Variants in SLC14A2 observed in about 807,000 individuals in gnomAD.
SLC14A2 encodes the protein urea transporter 2.
In SLC14A2, 91 loss-of-function variants were observed where a neutral mutation model predicts 104.6. The ratio of observed to expected loss-of-function variants is 0.87; its 90% CI spans 0.73 to 1.04. The LOEUF (loss-of-function observed/expected upper bound fraction) is 1.04, where lower values mean the gene tolerates loss of function less well. Among genes scored for constraint, SLC14A2 ranks in the 50% least tolerant of loss-of-function variants. The pLI is 0.00. For missense variants in SLC14A2, 1,189 were observed against 1,156.0 expected, an observed-to-expected ratio of 1.03 and a Z score of -0.41; for synonymous variants, 476 against 466.4, an observed-to-expected ratio of 1.02 and a Z score of -0.27.
At chr18:45,230,898 A>G (rs566210677) in intron 1 of SLC14A2, among the ~76,000 whole-genome samples, 1 of 152,238 alleles carries the variant, frequency 6.6e-6, no homozygotes, top group African/African-American at 2.4e-5. Context: ...ATGAATAATT[A>G]TGCTATTTTG....
intron 1 of SLC14A2, among the ~76,000 whole-genome samples, chr18:45,444,809 C>T (rs776291487): frequency 6.6e-6 from 1 of 152,160 alleles, no homozygotes; most frequent in Middle Eastern, 3.2e-3. Context: ...CTACTTCTCT[C>T]AGGGAGCCTA....
chr18:45,610,596 C>A (rs1040316437), upstream of SLC14A2, among the ~76,000 whole-genome samples: 5 of 152,188 alleles, frequency 3.3e-5, no homozygotes, highest in African/African-American at 7.2e-5. Flanking sequence ...ATTCTAGAAA[C>A]AAGGCTGTAA....
At chr18:45,236,877 A>C (rs1405179437) in intron 1 of SLC14A2, among the ~76,000 whole-genome samples, 1 of 152,114 alleles carries the variant, frequency 6.6e-6, no homozygotes, top group East Asian at 1.9e-4. Flanking sequence ...GTGATAGCTT[A>C]GCAGAGTCAA....
At chr18:45,672,831 C>G in intron 16 of SLC14A2, 69 bp from the exon 17 acceptor site, 1 of 1,468,378 alleles carries the variant, frequency 6.8e-7, no homozygotes, top group Non-Finnish European at 9.3e-7. Context: ...AGTGCCAAGT[C>G]TCTTGCAGCC....
intron 1 of SLC14A2, among the ~76,000 whole-genome samples, chr18:45,428,396 C>T (rs982146547): frequency 9.9e-5 from 15 of 152,260 alleles, no homozygotes; most frequent in Middle Eastern, 6.8e-3. Context: ...CAACTACAGA[C>T]CATAACTTTA....
chr18:45,630,499 T>A (rs546804220), intron 4 of SLC14A2, among the ~76,000 whole-genome samples: 41 of 152,248 alleles, frequency 2.7e-4, no homozygotes, highest in Non-Finnish European at 5.0e-4. Context: ...AATGGAGACC[T>A]TTTTGGCACT....
chr18:45,672,529 C>CAAA (rs34358333), intron 16 of SLC14A2, among the ~76,000 whole-genome samples: 151 of 128,714 alleles, frequency 1.2e-3, no homozygotes, highest in African/African-American at 3.8e-3. Context: ...AACTCCATCT[C>CAAA]AAAAAAAAAA....
chr18:45,494,240 T>TC (rs1598912219), intron 2 of SLC14A2, among the ~76,000 whole-genome samples: 1 of 152,114 alleles, frequency 6.6e-6, no homozygotes, highest in Non-Finnish European at 1.5e-5. Context: ...AATCACAAAT[T>TC]CCCCAAATTA....
At chr18:45,445,759 G>A (rs1366176459) in intron 1 of SLC14A2, among the ~76,000 whole-genome samples, 1 of 152,144 alleles carries the variant, frequency 6.6e-6, no homozygotes, top group Non-Finnish European at 1.5e-5. Flanking sequence ...TGCCTTTATG[G>A]CATGATATCA....
intron 1 of SLC14A2, among the ~76,000 whole-genome samples, chr18:45,286,300 C>T (rs1441365920): frequency 6.6e-6 from 1 of 152,196 alleles, no homozygotes; most frequent in Non-Finnish European, 1.5e-5. Context: ...CTCAGAGATG[C>T]TTGGATTCAG....
chr18:45,531,961 C>G (rs972923435), intron 2 of SLC14A2, among the ~76,000 whole-genome samples: 1 of 152,166 alleles, frequency 6.6e-6, no homozygotes, highest in Admixed American at 6.5e-5. Flanking sequence ...ATAGGGAATC[C>G]TTTCCCCATT....
intron 1 of SLC14A2, among the ~76,000 whole-genome samples, chr18:45,375,433 C>T (rs370544356): frequency 6.6e-6 from 1 of 152,092 alleles, no homozygotes; most frequent in African/African-American, 2.4e-5. Context: ...CAGGAACTGA[C>T]TCAGCACAAG....
At chr18:45,557,003 T>A (rs916093638) in intron 2 of SLC14A2, among the ~76,000 whole-genome samples, 1 of 152,216 alleles carries the variant, frequency 6.6e-6, no homozygotes, top group Admixed American at 6.5e-5. Context: ...TCCAACCAGG[T>A]TTATGCTACA....
intron 1 of SLC14A2, among the ~76,000 whole-genome samples, chr18:45,375,929 G>A (rs1278849936): frequency 6.6e-6 from 1 of 152,150 alleles, no homozygotes; most frequent in Non-Finnish European, 1.5e-5. Flanking sequence ...AACAGTGCAT[G>A]CCCACATACC....
At chr18:45,269,156 C>A (rs1455060198) in intron 1 of SLC14A2, among the ~76,000 whole-genome samples, 1 of 152,008 alleles carries the variant, frequency 6.6e-6, no homozygotes, top group Admixed American at 6.6e-5. Flanking sequence ...AGGCTCTCCC[C>A]TTTCATTTTC....
At position 45,427,170 on chromosome 18, in the gene SLC14A2, AT is replaced by A. The variant is rs566666122; in HGVS notation, c.-124-56062del. Reference sequence around the variant, plus strand: ...TGTGGAATAATTCTTTGTGTTTGTCATGAGGGAAATGAAACCCCTGATCTGA... The same window carrying A: ...TGTGGAATAATTCTTTGTGTTTGTCAGAGGGAAATGAAACCCCTGATCTGA... On this transcript the variant is annotated intron_variant, in intron 1 of 20. Transcript: ENST00000586448. 3.2e-3 allele frequency among the ~76,000 whole-genome samples: 492 copies of A among 152,180 alleles called. 2 individuals are homozygous for A. The highest frequency in any genetic ancestry group is 0.012 in the African/African-American group (479 of 41,512).
At chr18:45,551,225 A>T (rs915131723) in intron 2 of SLC14A2, among the ~76,000 whole-genome samples, 4 of 152,012 alleles carry the variant, frequency 2.6e-5, no homozygotes, top group Non-Finnish European at 4.4e-5. Context: ...GGGGAATTTT[A>T]AAAAAAAGAA....
intron 1 of SLC14A2, among the ~76,000 whole-genome samples, chr18:45,315,708 A>G (rs542577592): frequency 6.6e-6 from 1 of 152,150 alleles, no homozygotes; most frequent in Non-Finnish European, 1.5e-5. Flanking sequence ...ATGAGATGAG[A>G]TTCAAGTGGT....
At chr18:45,431,217 AT>A (rs2086509919) in intron 1 of SLC14A2, among the ~76,000 whole-genome samples, 1 of 152,096 alleles carries the variant, frequency 6.6e-6, no homozygotes, top group African/African-American at 2.4e-5. Context: ...TTCTCAAGGG[AT>A]TTCTGGAGTC....
Sources: gnomAD v4.1 joint callset for allele counts (sites outside exome capture counted in the v4.1 genomes callset) on GRCh38, gnomAD v4.1.1 for gene constraint, MANE v1.5 for transcripts, NCBI Gene and HGNC (gene_info 2026-07-23, HGNC 2026-07-21) for gene names.